Variants in NCKAP5 observed in about 807,000 individuals in gnomAD.
NCKAP5 encodes NCK associated protein 5, also known as nck-associated protein 5.
In NCKAP5, 92 loss-of-function variants were observed where a neutral mutation model predicts 167.0. The observed-to-expected ratio is 0.55, with a 90% CI of 0.47 to 0.66. The LOEUF (loss-of-function observed/expected upper bound fraction) is 0.66. Among genes scored for constraint, NCKAP5 ranks in the 30% least tolerant of loss-of-function variants. The pLI is 0.00. For missense variants in NCKAP5, 2,378 were observed against 2,315.0 expected, an observed-to-expected ratio of 1.03 and a Z score of -0.56; for synonymous variants, 891 against 877.4, an observed-to-expected ratio of 1.02 and a Z score of -0.27.
rs536691687 is a variant in NCKAP5 at position 133,473,784 on chromosome 2, T to C, written c.69+43674A>G. On this transcript the variant is annotated intron_variant, in intron 3 of 19. Transcript: ENST00000409261. ...TAACTTCTGACTGAATAGCCTCATA[T>C]TTAAGTTTTTCTTTGTCAATTGGCA... 5.3e-5 allele frequency among the ~76,000 whole-genome samples: 8 copies of C among 152,330 alleles called. No individual in the cohort carries two copies. In the South Asian group the frequency reaches 1.7e-3, roughly 32 times the overall value.
chr2:133,303,037 C>G lies in NCKAP5; in HGVS notation c.143G>C (p.Arg48Thr). Residue 48 changes from arginine to threonine, a missense_variant and splice_region_variant, in exon 4 of 20, where the codon AGG becomes ACG. By Grantham distance (71) the Arg-to-Thr change is moderately conservative. Coordinates refer to ENST00000409261, the MANE Select transcript of NCKAP5 (RefSeq NM_207363.3). ...AAATAAGAACATGAATTGAACTCACCTCCAGAGACTCCTGTGTTGCTCCTC... is the reference window on the plus strand; with the variant it reads ...AAATAAGAACATGAATTGAACTCACGTCCAGAGACTCCTGTGTTGCTCCTC... ...QLEEQHRSLW[R>T]EKLAVARLQR... 1 of 1,597,494 alleles carries G rather than the reference C, an allele frequency of 6.3e-7. No homozygotes were observed. The highest frequency in any genetic ancestry group is 8.5e-7 in the Non-Finnish European group (1 of 1,170,826).
intron 3 of NCKAP5, 129 bp from the exon 4 acceptor site, chr2:133,303,239 C>A: frequency 1.6e-6 from 1 of 644,750 alleles, no homozygotes; most frequent in East Asian, 2.8e-5. Flanking sequence ...TTCTAGGATT[C>A]TCTGCTTCTA....
chr2:133,135,445 A>T (rs2082756281), intron 5 of NCKAP5, among the ~76,000 whole-genome samples: 1 of 152,144 alleles, frequency 6.6e-6, no homozygotes, highest in Non-Finnish European at 1.5e-5. Context: ...TGAACATGAC[A>T]TGACAGATTT....
intron 4 of NCKAP5, among the ~76,000 whole-genome samples, chr2:133,255,113 G>A (rs985938725): frequency 1.3e-5 from 2 of 151,880 alleles, no homozygotes; most frequent in African/African-American, 4.8e-5. Context: ...GGACATAAAG[G>A]ACTTCTGCAA....
intron 16 of NCKAP5, among the ~76,000 whole-genome samples, chr2:132,754,191 T>G (rs1444968324): frequency 6.6e-6 from 1 of 152,228 alleles, no homozygotes; most frequent in Non-Finnish European, 1.5e-5. Context: ...GCTGGCACGA[T>G]AACATGTTTT....
chr2:133,055,233 A>G (rs2079754984), intron 6 of NCKAP5, among the ~76,000 whole-genome samples: 1 of 152,100 alleles, frequency 6.6e-6, no homozygotes, highest in South Asian at 2.1e-4. Context: ...AGGAAATCTG[A>G]GTGAATCATC....
In NCKAP5 at chr2:133,558,704, C is replaced by CAAAAAAAAAAAAAAAAAAAAAAAAAAA. The variant is rs60051493; in HGVS notation, c.-62+345_-62+346insTTTTTTTTTTTTTTTTTTTTTTTTTTT. 7.9e-5 allele frequency among the ~76,000 whole-genome samples: 4 copies of CAAAAAAAAAAAAAAAAAAAAAAAAAAA among 50,870 alleles called. 1 individual carries two copies. Among genetic ancestry groups the CAAAAAAAAAAAAAAAAAAAAAAAAAAA allele is most frequent in the Non-Finnish European group, 1.0e-4 (3 of 29,852 alleles). The allele number at this position is 50,870 out of a possible 152,430, so 33.4% of individuals were successfully genotyped here. The stretch of plus-strand genomic sequence containing the variant: ...ACATAAACAGATGCAATGTGCTGAG[C>CAAAAAAAAAAAAAAAAAAAAAAAAAAA]AAAAAAAAAAAAAAAAAAAAAAGCC... On this transcript the variant is annotated intron_variant, in intron 2 of 19. Coordinates refer to ENST00000409261, the MANE Select transcript of NCKAP5 (RefSeq NM_207363.3).
At chr2:132,898,610 A>C (rs1332935775) in intron 8 of NCKAP5, among the ~76,000 whole-genome samples, 1 of 152,234 alleles carries the variant, frequency 6.6e-6, no homozygotes, top group Non-Finnish European at 1.5e-5. Context: ...TTGTTGATCC[A>C]TGAGCTGCAG....
At chr2:132,710,622 A>G (rs72987765) in intron 19 of NCKAP5, among the ~76,000 whole-genome samples, 3,525 of 152,294 alleles carry the variant, frequency 0.023, 123 homozygotes, top group African/African-American at 0.081. Context: ...ATAATTTGAC[A>G]TAGTTAGTTG....
intron 19 of NCKAP5, among the ~76,000 whole-genome samples, chr2:132,708,140 G>A (rs1170710103): frequency 6.6e-6 from 1 of 152,002 alleles, no homozygotes; most frequent in Non-Finnish European, 1.5e-5. Flanking sequence ...TCCCAGCTGT[G>A]GTGGCCATGG....
chr2:132,712,431 C>T lies in NCKAP5; in HGVS notation c.5713+13196G>A, dbSNP rs960680422. On this transcript the variant is annotated intron_variant, in intron 19 of 19. Transcript: ENST00000409261. ...CTTTGGGAGGCCAAGGGGGGCGGAT[C>T]ATGAGGTCAGGAGATTGGGACCATC... Among the ~76,000 whole-genome samples the T allele has an allele frequency of 5.9e-5, 9 of 152,254 alleles. No homozygotes were observed. In the East Asian group the frequency reaches 1.4e-3, roughly 23 times the overall value.
chr2:133,371,992 T>C (rs533145334), intron 3 of NCKAP5, among the ~76,000 whole-genome samples: 73 of 152,254 alleles, frequency 4.8e-4, no homozygotes, highest in African/African-American at 1.5e-3. Flanking sequence ...TAAGGGATAA[T>C]ATAGTTTAGT....
At chr2:133,312,931 A>C (rs1681348631) in intron 3 of NCKAP5, among the ~76,000 whole-genome samples, 3 of 152,192 alleles carry the variant, frequency 2.0e-5, no homozygotes, top group African/African-American at 7.2e-5. Flanking sequence ...ACATCCATTC[A>C]CATTTAAGCC....
At chr2:133,553,343 T>A (rs145838376) in intron 2 of NCKAP5, among the ~76,000 whole-genome samples, 7 of 152,288 alleles carry the variant, frequency 4.6e-5, no homozygotes, top group Non-Finnish European at 8.8e-5. Context: ...TGTCACTTAT[T>A]AAAGGCTTCC....
chr2:132,862,789 A>G (rs1380676905), intron 10 of NCKAP5, among the ~76,000 whole-genome samples: 1 of 151,726 alleles, frequency 6.6e-6, no homozygotes, highest in Non-Finnish European at 1.5e-5. Context: ...CCAAAAAAAA[A>G]CAAAGGTGAA....
At chr2:133,639,424 A>G in the NCKAP5 span, among the ~76,000 whole-genome samples, 1 of 152,200 alleles carries the variant, frequency 6.6e-6, no homozygotes, top group Non-Finnish European at 1.5e-5. Flanking sequence ...ACGGATCTCT[A>G]AATTGCCTAC....
chr2:132,881,286 T>C (rs1396152071), intron 8 of NCKAP5, among the ~76,000 whole-genome samples: 3 of 152,140 alleles, frequency 2.0e-5, no homozygotes, highest in Admixed American at 6.6e-5. Flanking sequence ...GTGATTCTCC[T>C]GCCTCAGCCT....
At chr2:133,279,962 A>T (rs529439675) in intron 4 of NCKAP5, among the ~76,000 whole-genome samples, 6 of 152,334 alleles carry the variant, frequency 3.9e-5, no homozygotes, top group Admixed American at 2.0e-4. Context: ...AAGCCAAAAA[A>T]GGTTCATTAC....
At chr2:133,615,181 G>A in the NCKAP5 span, among the ~76,000 whole-genome samples, 3 of 152,076 alleles carry the variant, frequency 2.0e-5, no homozygotes, top group African/African-American at 7.2e-5. Flanking sequence ...ACCGGTACCA[G>A]CCACTGCAAA....
Sources: allele counts gnomAD v4.1 joint callset (sites outside exome capture counted in the v4.1 genomes callset), GRCh38; gene constraint gnomAD v4.1.1; transcripts MANE v1.5; gene names NCBI Gene and HGNC (gene_info 2026-07-23, HGNC 2026-07-21).